CDH13: variants seen among roughly 807,000 people sequenced by gnomAD.
CDH13 encodes cadherin-13.
CDH13 carries 24 observed loss-of-function variants against 63.8 expected under a neutral mutation model. The observed-to-expected ratio is 0.38, with a 90% confidence interval of 0.27 to 0.53. The LOEUF is 0.53. Among genes scored for constraint, CDH13 ranks in the 20% least tolerant of loss-of-function variants. The probability of loss-of-function intolerance (pLI) is 0.85; values close to 1 mark genes in which losing one functional copy is unlikely to be tolerated. For missense variants in CDH13, 1,049 were observed against 903.1 expected, an observed-to-expected ratio of 1.16 and a Z score of -2.07; for synonymous variants, 503 against 355.3, an observed-to-expected ratio of 1.42 and a Z score of -4.67.
At chr16:82,929,571 G>A (rs576754213) in intron 2 of CDH13, among the ~76,000 whole-genome samples, 3 of 144,592 alleles carry the variant, frequency 2.1e-5, no homozygotes, top group African/African-American at 7.8e-5. Context: ...AGAATGGCAT[G>A]AACTCGGGAG....
chr16:83,229,973 C>A (rs1395870168), intron 5 of CDH13, among the ~76,000 whole-genome samples: 2 of 152,076 alleles, frequency 1.3e-5, no homozygotes, highest in East Asian at 3.8e-4. Flanking sequence ...CAGTGTTTGA[C>A]AATAAGATGC....
intron 1 of CDH13, among the ~76,000 whole-genome samples, chr16:82,663,225 T>C (rs1912177378): frequency 6.6e-6 from 1 of 152,196 alleles, no homozygotes; most frequent in African/African-American, 2.4e-5. Context: ...TCGCTGTTGT[T>C]GCCCTGGCTG....
chr16:83,720,698 C>T (rs192696578), intron 10 of CDH13, among the ~76,000 whole-genome samples: 26 of 152,294 alleles, frequency 1.7e-4, no homozygotes, highest in African/African-American at 4.8e-4. Flanking sequence ...ACCTTTGCCA[C>T]GCTCCACTGG....
intron 7 of CDH13, among the ~76,000 whole-genome samples, chr16:83,584,434 C>T (rs542710882): frequency 1.3e-5 from 2 of 152,304 alleles, no homozygotes; most frequent in African/African-American, 4.8e-5. Flanking sequence ...GTAATATATG[C>T]TACAAGGGAA....
At chr16:83,682,576 G>A (rs1915495958) in intron 10 of CDH13, among the ~76,000 whole-genome samples, 1 of 152,100 alleles carries the variant, frequency 6.6e-6, no homozygotes, top group African/African-American at 2.4e-5. Context: ...TGACTGTGTT[G>A]GCTGTGCGGT....
At chr16:83,346,158 C>A (rs2090835399) in intron 6 of CDH13, among the ~76,000 whole-genome samples, 1 of 152,170 alleles carries the variant, frequency 6.6e-6, no homozygotes, top group Non-Finnish European at 1.5e-5. Flanking sequence ...AGCAAATGCA[C>A]TGCGTGTGTG....
intron 2 of CDH13, among the ~76,000 whole-genome samples, chr16:82,994,591 A>T (rs1309097579): frequency 1.3e-5 from 2 of 152,198 alleles, no homozygotes; most frequent in African/African-American, 4.8e-5. Flanking sequence ...ATACTGAACA[A>T]ATTGCACTTA....
At chr16:83,406,417 TC>T (rs61149137) in intron 6 of CDH13, among the ~76,000 whole-genome samples, 6 of 144,378 alleles carry the variant, frequency 4.2e-5, no homozygotes, top group East Asian at 2.0e-4. Context: ...TCTCTTTCTT[TC>T]CCCCCCCGCC....
intron 5 of CDH13, among the ~76,000 whole-genome samples, chr16:83,266,302 T>A (rs1472953056): frequency 2.0e-5 from 3 of 152,204 alleles, no homozygotes; most frequent in Non-Finnish European, 4.4e-5. Context: ...ACCAAAGGTT[T>A]CACTGGATTT....
intron 2 of CDH13, among the ~76,000 whole-genome samples, chr16:82,969,743 C>A (rs1908422303): frequency 6.6e-6 from 1 of 151,980 alleles, no homozygotes; most frequent in Non-Finnish European, 1.5e-5. Flanking sequence ...TCAGGCTAGT[C>A]CGTGCACAAT....
At chr16:82,733,475 T>A (rs1177754628) in intron 1 of CDH13, among the ~76,000 whole-genome samples, 5 of 152,224 alleles carry the variant, frequency 3.3e-5, no homozygotes, top group Admixed American at 3.3e-4. Context: ...GGAAGAATAC[T>A]AACCAAGGGA....
At chr16:83,091,139 G>A (rs369557787) in intron 3 of CDH13, among the ~76,000 whole-genome samples, 6 of 151,932 alleles carry the variant, frequency 3.9e-5, no homozygotes, top group East Asian at 1.9e-4. Context: ...TTCTCCCCTG[G>A]GAAATATTTT....
At chr16:83,391,145 G>T (rs74646148) in intron 6 of CDH13, among the ~76,000 whole-genome samples, 24,309 of 151,810 alleles carry the variant, frequency 0.16, 2,503 homozygotes, top group African/African-American at 0.28. Flanking sequence ...AGGCCAATAA[G>T]TATCTGCCAA....
At chr16:83,353,163 G>A (rs780942811) in intron 6 of CDH13, among the ~76,000 whole-genome samples, 4 of 152,216 alleles carry the variant, frequency 2.6e-5, no homozygotes, top group Non-Finnish European at 4.4e-5. Flanking sequence ...AAGCCAAGAC[G>A]TCAGCACTCT....
At chr16:82,663,307 C>T (rs1254377065) in intron 1 of CDH13, among the ~76,000 whole-genome samples, 1 of 152,162 alleles carries the variant, frequency 6.6e-6, no homozygotes, top group Admixed American at 6.5e-5. Flanking sequence ...TTGCCTCAGC[C>T]TCTGGAGTAG....
At chr16:82,848,516 A>G (rs1368581389) in intron 1 of CDH13, among the ~76,000 whole-genome samples, 1 of 147,378 alleles carries the variant, frequency 6.8e-6, no homozygotes, top group Admixed American at 6.8e-5. Context: ...TTAAATTATT[A>G]CTTTGTCTAT....
In CDH13 at chr16:83,059,800, T is replaced by TTG. The variant is rs2031349507; in HGVS notation, c.366+27583_366+27584insGT. On this transcript the variant is annotated intron_variant, in intron 3 of 13. Coordinates refer to ENST00000567109, the MANE Select transcript of CDH13 (RefSeq NM_001257.5). ...TTGTTTTTTTTTTTGTTTGTTTTTT[T>TTG]TTTTTTTTTTTTTAGAAGGAGTCTC... 1.4e-5 allele frequency among the ~76,000 whole-genome samples: 2 copies of TTG among 146,446 alleles called. 1 individual carries two copies. The highest frequency in any genetic ancestry group is 5.1e-5 in the African/African-American group (2 of 39,432).
chr16:83,335,822 G>T (rs139399114), intron 5 of CDH13, among the ~76,000 whole-genome samples: 1 of 151,962 alleles, frequency 6.6e-6, no homozygotes, highest in African/African-American at 2.4e-5. Flanking sequence ...ACCCTCTCAC[G>T]TGCACCCCCT....
chr16:83,078,335 T>C (rs762283446), intron 3 of CDH13, among the ~76,000 whole-genome samples: 28 of 152,182 alleles, frequency 1.8e-4, no homozygotes, highest in South Asian at 4.1e-4. Flanking sequence ...TTTCCACATA[T>C]TGGGGACGGG....
Sources: gnomAD v4.1 joint callset for allele counts (sites outside exome capture counted in the v4.1 genomes callset) on GRCh38, gnomAD v4.1.1 for gene constraint, MANE v1.5 for transcripts, NCBI Gene and HGNC (gene_info 2026-07-23, HGNC 2026-07-21) for gene names.